Variants in MAPK8 observed in about 807,000 individuals in gnomAD.
The protein encoded by MAPK8 is JUN N-terminal kinase.
In MAPK8, 13 loss-of-function variants were observed where a neutral mutation model predicts 52.9. The observed-to-expected ratio is 0.25, with a 90% CI of 0.16 to 0.39. MAPK8 has a LOEUF of 0.39. Ranked by LOEUF, MAPK8 falls within the 10% of genes least tolerant of loss-of-function variation. The probability of loss-of-function intolerance (pLI) is 1.00; values close to 1 mark genes in which losing one functional copy is unlikely to be tolerated. For missense variants in MAPK8, 300 were observed against 519.2 expected, an observed-to-expected ratio of 0.58 and a Z score of 4.10; for synonymous variants, 191 against 169.8, an observed-to-expected ratio of 1.12 and a Z score of -0.97.
At chr10:48,371,377 A>G (rs1190806276) in intron 1 of MAPK8, among the ~76,000 whole-genome samples, 2 of 152,048 alleles carry the variant, frequency 1.3e-5, no homozygotes, top group Non-Finnish European at 2.9e-5. Flanking sequence ...TTTGTACTGA[A>G]TGCCTTCAGT....
At chr10:48,364,438 T>A (rs548535008) in intron 1 of MAPK8, among the ~76,000 whole-genome samples, 98 of 147,074 alleles carry the variant, frequency 6.7e-4, no homozygotes, top group Middle Eastern at 3.5e-3. Context: ...TGAAAAAATT[T>A]AAAAAAAAAA....
chr10:48,386,044 A>C (rs1465077691), intron 1 of MAPK8, among the ~76,000 whole-genome samples: 2 of 152,194 alleles, frequency 1.3e-5, no homozygotes, highest in African/African-American at 4.8e-5. Context: ...TAATATGAAA[A>C]AAATTATCTG....
intron 1 of MAPK8, among the ~76,000 whole-genome samples, chr10:48,369,633 T>C (rs1224699899): frequency 6.6e-6 from 1 of 151,622 alleles, no homozygotes; most frequent in Non-Finnish European, 1.5e-5. Context: ...TGGGAGAGTG[T>C]AACAAGACAA....
intron 1 of MAPK8, among the ~76,000 whole-genome samples, chr10:48,387,192 G>A (rs1442107781): frequency 6.6e-6 from 1 of 152,160 alleles, no homozygotes; most frequent in Non-Finnish European, 1.5e-5. Context: ...CTAGAAGAGA[G>A]GGCAAACTAG....
intron 3 of MAPK8, among the ~76,000 whole-genome samples, chr10:48,406,978 A>G (rs1480198124): frequency 1.3e-5 from 2 of 152,178 alleles, no homozygotes; most frequent in African/African-American, 4.8e-5. Flanking sequence ...TCTTTGTTAC[A>G]GGCCTGCCTT....
chr10:48,397,716 A>G (rs1036882063), intron 1 of MAPK8, among the ~76,000 whole-genome samples: 7 of 151,984 alleles, frequency 4.6e-5, no homozygotes, highest in Admixed American at 4.6e-4. Flanking sequence ...TCAGCCTCCC[A>G]AGTAGCTGGG....
intron 1 of MAPK8, among the ~76,000 whole-genome samples, chr10:48,360,170 GA>G (rs919164788): frequency 6.7e-6 from 1 of 148,660 alleles, no homozygotes; most frequent in Non-Finnish European, 1.5e-5. Flanking sequence ...CTGTCTAAAA[GA>G]AAAAAAAAGA....
rs539162576 is a variant in MAPK8, at chr10:48,373,571, C to CAAAAAAAAAAAAAAAAAAAAAA, written c.-49-28035_-49-28014dup. On this transcript the variant is annotated intron_variant, in intron 1 of 11. Coordinates refer to ENST00000374189, the MANE Select transcript of MAPK8 (RefSeq NM_001323329.2). ...GAAGATTTACCAAGTAAATTGAAAG[C>CAAAAAAAAAAAAAAAAAAAAAA]AAAAAAAAAAAAAAAAAAAAAAAAA... is the stretch of plus-strand genomic sequence containing the variant. Among the ~76,000 whole-genome samples the CAAAAAAAAAAAAAAAAAAAAAA allele has an allele frequency of 5.3e-4, 9 of 16,844 alleles. 4 individuals carry two copies. Among genetic ancestry groups the CAAAAAAAAAAAAAAAAAAAAAA allele is most frequent in the Admixed American group, 2.5e-3 (2 of 798 alleles). 11.1% of individuals were successfully genotyped at this position (16,844 alleles called of 152,430 possible). A position where few individuals can be genotyped will look rare whatever the true frequency, so the allele number is the denominator to read the frequency against.
intron 1 of MAPK8, among the ~76,000 whole-genome samples, chr10:48,370,722 A>T (rs774264351): frequency 8.5e-5 from 13 of 152,148 alleles, no homozygotes; most frequent in Non-Finnish European, 1.3e-4. Flanking sequence ...AGAAGTAAAC[A>T]TGGAAGGAAG....
At chr10:48,326,566 T>C (rs1160973711) in intron 1 of MAPK8, among the ~76,000 whole-genome samples, 1 of 152,202 alleles carries the variant, frequency 6.6e-6, no homozygotes, top group African/African-American at 2.4e-5. Context: ...TGTTGTGTTT[T>C]AGGTACTCTC....
At chr10:48,389,603 A>G (rs2041513474) in intron 1 of MAPK8, among the ~76,000 whole-genome samples, 1 of 152,220 alleles carries the variant, frequency 6.6e-6, no homozygotes, top group South Asian at 2.1e-4. Flanking sequence ...GAGGAGAAAG[A>G]CAGGCAATTC....
chr10:48,430,946 C>G, intron 10 of MAPK8: 2 of 507,162 alleles, frequency 3.9e-6, no homozygotes, highest in Non-Finnish European at 7.0e-6. Flanking sequence ...CACTATCAAA[C>G]CAACTTCAGA....
At chr10:48,418,591 C>T (rs1489332406) in intron 5 of MAPK8, among the ~76,000 whole-genome samples, 1 of 152,196 alleles carries the variant, frequency 6.6e-6, no homozygotes, top group Non-Finnish European at 1.5e-5. Context: ...TGAACTAGAA[C>T]TACCCACGTG....
intron 1 of MAPK8, among the ~76,000 whole-genome samples, chr10:48,340,208 A>G (rs988721052): frequency 5.3e-5 from 8 of 152,220 alleles, no homozygotes; most frequent in African/African-American, 1.9e-4. Context: ...CACCATGGAT[A>G]CTACAGAGCC....
chr10:48,315,905 A>G (rs970179184), intron 1 of MAPK8, among the ~76,000 whole-genome samples: 2 of 151,992 alleles, frequency 1.3e-5, no homozygotes, highest in African/African-American at 4.8e-5. Context: ...TTCCTCCATT[A>G]TATGTAAAAT....
chr10:48,419,643 C>T (rs930451000), intron 5 of MAPK8, among the ~76,000 whole-genome samples: 2 of 152,158 alleles, frequency 1.3e-5, no homozygotes, highest in Non-Finnish European at 2.9e-5. Context: ...GATAATGACT[C>T]TTCTAGTCCT....
intron 1 of MAPK8, among the ~76,000 whole-genome samples, chr10:48,341,945 C>T (rs1000847469): frequency 1.3e-5 from 2 of 152,120 alleles, no homozygotes; most frequent in African/African-American, 2.4e-5. Context: ...CATGCAGAAG[C>T]GATCAGGAGA....
chr10:48,326,193 G>C (rs1296114181), intron 1 of MAPK8, among the ~76,000 whole-genome samples: 1 of 152,132 alleles, frequency 6.6e-6, no homozygotes, highest in Non-Finnish European at 1.5e-5. Flanking sequence ...TTCTGTGCAG[G>C]AGATTTTTAT....
At chr10:48,382,394 G>T (rs1426623653) in intron 1 of MAPK8, among the ~76,000 whole-genome samples, 1 of 152,116 alleles carries the variant, frequency 6.6e-6, no homozygotes, top group Non-Finnish European at 1.5e-5. Flanking sequence ...TAATTTGTCA[G>T]TTTGGTACCA....
Sources: gnomAD v4.1 joint callset for allele counts (sites outside exome capture counted in the v4.1 genomes callset) on GRCh38, gnomAD v4.1.1 for gene constraint, MANE v1.5 for transcripts, NCBI Gene and HGNC (gene_info 2026-07-23, HGNC 2026-07-21) for gene names.